ATG4B: variants seen among roughly 807,000 people sequenced by gnomAD.
ATG4B encodes autophagy related 4B cysteine peptidase.
A neutral mutation model predicts 56.6 loss-of-function variants in ATG4B; 29 were observed. That is an observed-to-expected ratio of 0.51 (90% CI 0.38 to 0.70). The LOEUF is 0.70. ATG4B is among the 30% of genes least tolerant of loss of function. The pLI, the probability that ATG4B is intolerant of heterozygous loss-of-function variation, is 0.00. For missense variants in ATG4B, 461 were observed against 515.5 expected (o/e 0.89, Z 1.02); for synonymous variants, 224 against 206.1 (o/e 1.09, Z -0.74).
intron 12 of ATG4B, chr2:241,671,949 C>G (rs1358277777): frequency 2.1e-6 from 3 of 1,396,144 alleles, no homozygotes; most frequent in African/African-American, 1.5e-5. Context: ...AGAGGCCCCT[C>G]AGGCCTGAGA....
intron 1 of ATG4B, among the ~76,000 whole-genome samples, chr2:241,642,436 A>C (rs2067919467): frequency 6.6e-6 from 1 of 152,210 alleles, no homozygotes. Context: ...TCTTAAACCT[A>C]AGAGCTTTCT....
At chr2:241,664,628 G>T (rs560511842) in intron 7 of ATG4B, among the ~76,000 whole-genome samples, 2 of 152,010 alleles carry the variant, frequency 1.3e-5, no homozygotes, top group Non-Finnish European at 2.9e-5. Context: ...CTGAGTTGGA[G>T]GATTGCTTGA....
At chr2:241,642,872 C>CATTT (rs2067941523) in intron 1 of ATG4B, among the ~76,000 whole-genome samples, 1 of 104,258 alleles carries the variant, frequency 9.6e-6, no homozygotes, top group Admixed American at 1.1e-4. Flanking sequence ...CCTCTCCGTC[C>CATTT]TTTTTTTTTT....
Position 241,668,462 on chromosome 2 carries a change from G to C in ATG4B, c.812-78G>C, listed in dbSNP as rs750032615. On this transcript the variant is annotated intron_variant, in intron 9 of 12. Transcript: ENST00000404914. This position sits in a 1 kb window ranked among gnomAD's most constrained non-coding sequence, Gnocchi z 4.2. ...TTCTCAGTGTGATGTGGGTGCAGTG[G>C]GTCTGAAATGCGGCCTCCTCTGTCC... 1.8e-5 allele frequency: 28 copies of C among 1,536,286 alleles called. No individual in the cohort carries two copies. The South Asian group carries it at 3.2e-4, about 18-fold the overall frequency.
At chr2:241,654,290 A>T (rs142140995) in intron 4 of ATG4B, among the ~76,000 whole-genome samples, 1 of 151,660 alleles carries the variant, frequency 6.6e-6, no homozygotes, top group South Asian at 2.1e-4. Flanking sequence ...GCTTGGTGAC[A>T]TGTGCCTGTA....
chr2:241,643,596 A>G (rs150213768), intron 1 of ATG4B, among the ~76,000 whole-genome samples: 7,340 of 149,194 alleles, frequency 0.049, 366 homozygotes, highest in African/African-American at 0.12. Flanking sequence ...GTACATATAT[A>G]TATAAACATA....
chr2:241,665,863 CCTGTCACCTGT>C (rs1186196977), intron 7 of ATG4B, among the ~76,000 whole-genome samples: 3 of 152,330 alleles, frequency 2.0e-5, no homozygotes, highest in East Asian at 1.9e-4. Context: ...CAGTGTGCTA[CCTGTCACCTGT>C]CTGTCACCTG....
At chr2:241,667,007 C>T (rs963530634) in intron 8 of ATG4B, among the ~76,000 whole-genome samples, 169 bp downstream of exon 8, 2 of 152,208 alleles carry the variant, frequency 1.3e-5, no homozygotes, top group African/African-American at 2.4e-5. Context: ...GCGTGAGGCA[C>T]GTCCATCAGT....
intron 7 of ATG4B, 41 bp from the exon 8 acceptor site, chr2:241,666,604 A>G (rs546367007): frequency 1.8e-5 from 29 of 1,602,890 alleles, no homozygotes; most frequent in East Asian, 6.7e-5. Context: ...GCACTTTTGC[A>G]CAGGTCTGCT....
intron 11 of ATG4B, 85 bp from the exon 12 acceptor site, chr2:241,671,214 ACAGGTTTGTCCGC>A (rs2068957855): frequency 1.2e-5 from 12 of 1,039,894 alleles, no homozygotes; most frequent in Admixed American, 2.1e-5. Flanking sequence ...AGATGGGATG[ACAGGTTTGTCCGC>A]TGGCTGTGGC....
chr2:241,640,029 T>G (rs2067837383), intron 1 of ATG4B, among the ~76,000 whole-genome samples: 1 of 152,174 alleles, frequency 6.6e-6, no homozygotes, highest in African/African-American at 2.4e-5. Flanking sequence ...CCTGCCTCTA[T>G]CATTTCGATA....
At chr2:241,660,740 G>A (rs927913343) in intron 7 of ATG4B, among the ~76,000 whole-genome samples, 1 of 152,186 alleles carries the variant, frequency 6.6e-6, no homozygotes, top group African/African-American at 2.4e-5. Flanking sequence ...GGCCATGAGT[G>A]ACAGCATTGT....
intron 10 of ATG4B, chr2:241,669,008 T>C (rs906995006): frequency 3.1e-5 from 11 of 360,338 alleles, no homozygotes; most frequent in South Asian, 2.4e-4. Flanking sequence ...CCCTCACACC[T>C]ACATTTAAAC....
In ATG4B at chr2:241,667,450, A is replaced by G. The variant is rs546703974; in HGVS notation, c.732+612A>G. Among the ~76,000 whole-genome samples the G allele has an allele frequency of 1.4e-3, 213 of 151,914 alleles. 2 individuals carry two copies. Among genetic ancestry groups the G allele is most frequent in the African/African-American group, 4.8e-3 (200 of 41,456 alleles). On this transcript the variant is annotated intron_variant, in intron 8 of 12. Coordinates refer to ENST00000404914, the MANE Select transcript of ATG4B (RefSeq NM_013325.5). ...GAAACCCTGTCTCTACTAAAAATAT[A>G]AAAATTAGCCGGGCATGGTGGTGCG...
Position 241,668,592 on chromosome 2 carries a change from CACT to C in ATG4B, c.865_867del (p.Thr289del). On this transcript the variant is annotated inframe_deletion, in exon 10 of 13. Transcript: ENST00000404914. This position sits in a 1 kb window ranked among gnomAD's most constrained non-coding sequence, Gnocchi z 4.2. Reference sequence around the variant, plus strand: ...ACACCACGCAGCCAGCCGTGGAGCCCACTGATGGCTGCTTCATCCCGGACGAGA... The same window carrying C: ...ACACCACGCAGCCAGCCGTGGAGCCCGATGGCTGCTTCATCCCGGACGAGA... 6.2e-7 allele frequency: 1 copy of C among 1,606,230 alleles called. No individual in the cohort carries two copies. The highest frequency in any genetic ancestry group is 8.5e-7 in the Non-Finnish European group (1 of 1,177,366).
chr2:241,670,132 C>T (rs1315534567), intron 10 of ATG4B, among the ~76,000 whole-genome samples: 1 of 152,200 alleles, frequency 6.6e-6, no homozygotes, highest in Non-Finnish European at 1.5e-5. Context: ...AGCTTCTCCC[C>T]CCATTTCGTT....
intron 8 of ATG4B, 139 bp downstream of exon 8, chr2:241,666,977 G>A (rs1030604315): frequency 1.6e-5 from 16 of 1,014,160 alleles, no homozygotes; most frequent in African/African-American, 8.1e-5. Flanking sequence ...GGTTTACACC[G>A]TTGCCCAAGG....
chr2:241,642,489 C>A (rs1358702269), intron 1 of ATG4B, among the ~76,000 whole-genome samples: 1 of 151,950 alleles, frequency 6.6e-6, no homozygotes, highest in African/African-American at 2.4e-5. Flanking sequence ...AAATATAAAT[C>A]TTTTGGAAAA....
At chr2:241,640,194 C>T (rs1048170700) in intron 1 of ATG4B, among the ~76,000 whole-genome samples, 2 of 152,080 alleles carry the variant, frequency 1.3e-5, no homozygotes, top group African/African-American at 4.8e-5. Flanking sequence ...TTTTATTTTC[C>T]CTTGACAACT....
Sources: gnomAD v4.1 joint callset for allele counts (sites outside exome capture counted in the v4.1 genomes callset) on GRCh38, gnomAD v4.1.1 for gene constraint, Gnocchi (gnomAD v3.1) non-coding constraint, MANE v1.5 for transcripts, NCBI Gene and HGNC (gene_info 2026-07-23, HGNC 2026-07-21) for gene names.